Variants in OSBPL1A observed in about 807,000 individuals in gnomAD.
OSBPL1A encodes oxysterol binding protein like 1A, also known as oxysterol-binding protein-related protein 1.
Under a neutral mutation model 137.1 loss-of-function variants are expected in OSBPL1A, and 80 were observed. That is an observed-to-expected ratio of 0.58 (90% CI 0.49 to 0.70). OSBPL1A has a LOEUF of 0.70. Among genes scored for constraint, OSBPL1A ranks in the 30% least tolerant of loss-of-function variants. The pLI is 0.00. For missense variants in OSBPL1A, 970 were observed against 1,129.4 expected, an observed-to-expected ratio of 0.86 and a Z score of 2.02; for synonymous variants, 365 against 389.7, an observed-to-expected ratio of 0.94 and a Z score of 0.75.
At chr18:24,255,096 C>G (rs1301746473) in intron 15 of OSBPL1A, among the ~76,000 whole-genome samples, 3 of 152,000 alleles carry the variant, frequency 2.0e-5, no homozygotes, top group African/African-American at 4.8e-5. Context: ...ATTGGAAAAT[C>G]TAGAGGAAAT....
chr18:24,315,355 AC>A (rs1464791072), intron 11 of OSBPL1A, among the ~76,000 whole-genome samples: 2 of 151,990 alleles, frequency 1.3e-5, no homozygotes, highest in Non-Finnish European at 2.9e-5. Context: ...TCTGCTACTC[AC>A]ATCTCTGACT....
intron 18 of OSBPL1A, among the ~76,000 whole-genome samples, chr18:24,190,414 T>C (rs561437232): frequency 6.7e-6 from 1 of 150,272 alleles, no homozygotes; most frequent in Non-Finnish European, 1.5e-5. Flanking sequence ...GGCATAGTAT[T>C]TATACCTGGA....
intron 21 of OSBPL1A, among the ~76,000 whole-genome samples, chr18:24,177,671 G>C (rs1266962370): frequency 6.6e-6 from 1 of 152,148 alleles, no homozygotes; most frequent in African/African-American, 2.4e-5. Flanking sequence ...ATTTCTCAGA[G>C]TGAATTCATT....
At chr18:24,302,115 C>G (rs1391155641) in intron 14 of OSBPL1A, among the ~76,000 whole-genome samples, 1 of 151,588 alleles carries the variant, frequency 6.6e-6, no homozygotes, top group East Asian at 2.0e-4. Flanking sequence ...CACTTGTAGT[C>G]CCCAGCTACT....
chr18:24,355,002 C>T (rs1191829922), intron 4 of OSBPL1A, among the ~76,000 whole-genome samples: 1 of 152,084 alleles, frequency 6.6e-6, no homozygotes, highest in East Asian at 1.9e-4. Flanking sequence ...TCACTTTCCC[C>T]ACACCACCCC....
intron 1 of OSBPL1A, 21 bp from the exon 2 acceptor site, chr18:24,377,556 CAT>C (rs767593377): frequency 1.3e-6 from 2 of 1,571,806 alleles, no homozygotes; most frequent in South Asian, 2.4e-5. Context: ...AAAATAATAA[CAT>C]TGCTATTATT....
chr18:24,376,710 CCT>C, intron 2 of OSBPL1A, among the ~76,000 whole-genome samples: 1 of 152,250 alleles, frequency 6.6e-6, no homozygotes, highest in East Asian at 1.9e-4. Context: ...GACTGCAGGT[CCT>C]GAGCCCTGCC....
chr18:24,228,720 C>T (rs1294954873), intron 16 of OSBPL1A, among the ~76,000 whole-genome samples: 1 of 152,068 alleles, frequency 6.6e-6, no homozygotes, highest in South Asian at 2.1e-4. Flanking sequence ...GATTGAGCTG[C>T]GTTCGCTGAC....
intron 4 of OSBPL1A, among the ~76,000 whole-genome samples, chr18:24,362,499 G>A (rs1421116): frequency 0.2 from 31,133 of 152,124 alleles, 3,775 homozygotes; most frequent in East Asian, 0.51. Flanking sequence ...TCATGGTAAC[G>A]TATTAAAAGT....
intron 14 of OSBPL1A, among the ~76,000 whole-genome samples, chr18:24,294,513 C>T (rs2090254643): frequency 6.6e-6 from 1 of 152,154 alleles, no homozygotes; most frequent in South Asian, 2.1e-4. Context: ...GGATTACAGG[C>T]GTGAGCCACT....
At chr18:24,216,597 G>A (rs1203856153) in intron 17 of OSBPL1A, among the ~76,000 whole-genome samples, 1 of 152,136 alleles carries the variant, frequency 6.6e-6, no homozygotes, top group Non-Finnish European at 1.5e-5. Flanking sequence ...AGAAAACAAT[G>A]TTATTCTAAG....
At chr18:24,238,903 G>A (rs980032723) in intron 16 of OSBPL1A, among the ~76,000 whole-genome samples, 1 of 152,172 alleles carries the variant, frequency 6.6e-6, no homozygotes, top group African/African-American at 2.4e-5. Flanking sequence ...ATGTGCTAAT[G>A]CCTGGCACTA....
intron 23 of OSBPL1A, among the ~76,000 whole-genome samples, chr18:24,171,158 C>A (rs1321636957): frequency 1.3e-5 from 2 of 151,894 alleles, no homozygotes; most frequent in Non-Finnish European, 2.9e-5. Flanking sequence ...CCTCAGCCTC[C>A]CAATGGCTGG....
At chr18:24,332,517 T>C (rs2091099943) in intron 7 of OSBPL1A, among the ~76,000 whole-genome samples, 1 of 150,952 alleles carries the variant, frequency 6.6e-6, no homozygotes, top group African/African-American at 2.4e-5. Context: ...GCTATGATGC[T>C]GTTGGCTATG....
At chr18:24,305,722 T>A (rs2090486592) in intron 13 of OSBPL1A, among the ~76,000 whole-genome samples, 1 of 152,162 alleles carries the variant, frequency 6.6e-6, no homozygotes, top group Non-Finnish European at 1.5e-5. Context: ...GCTCCAATAA[T>A]CCCCATGTTT....
intron 17 of OSBPL1A, among the ~76,000 whole-genome samples, chr18:24,208,852 A>T (rs2087447888): frequency 6.6e-6 from 1 of 152,226 alleles, no homozygotes; most frequent in Non-Finnish European, 1.5e-5. Flanking sequence ...TACTCTGAGG[A>T]ATTAAAATGT....
At chr18:24,176,159 G>A (rs1047306735) in intron 21 of OSBPL1A, among the ~76,000 whole-genome samples, 3 of 152,060 alleles carry the variant, frequency 2.0e-5, no homozygotes, top group East Asian at 1.9e-4. Context: ...CTTAGAATTC[G>A]TAAGTTAGAA....
chr18:24,181,669 C>G (rs1033184743), intron 18 of OSBPL1A, among the ~76,000 whole-genome samples: 1 of 152,214 alleles, frequency 6.6e-6, no homozygotes, highest in Non-Finnish European at 1.5e-5. Flanking sequence ...CCATTAATTA[C>G]TGGAGATGGC....
intron 4 of OSBPL1A, among the ~76,000 whole-genome samples, chr18:24,360,478 A>G (rs943682890): frequency 1.3e-5 from 2 of 152,248 alleles, no homozygotes; most frequent in African/African-American, 4.8e-5. Context: ...TGCACAATTC[A>G]GTCATGCTTA....
Sources: allele counts gnomAD v4.1 joint callset (sites outside exome capture counted in the v4.1 genomes callset), GRCh38; gene constraint gnomAD v4.1.1; transcripts MANE v1.5; gene names NCBI Gene and HGNC (gene_info 2026-07-23, HGNC 2026-07-21).